The following TMEM131 variants were observed in gnomAD, a reference collection of about 807,000 sequenced individuals.
The protein encoded by TMEM131 is transmembrane protein 131.
In TMEM131, 66 loss-of-function variants were observed where a neutral mutation model predicts 211.6. That is an observed-to-expected ratio of 0.31 (90% CI 0.26 to 0.38). The LOEUF (loss-of-function observed/expected upper bound fraction) is 0.38. Ranked by LOEUF, TMEM131 falls within the 10% of genes least tolerant of loss-of-function variation. The pLI, the probability that TMEM131 is intolerant of heterozygous loss-of-function variation, is 1.00. For missense variants in TMEM131, 2,036 were observed against 2,299.3 expected (o/e 0.89, Z 2.34); for synonymous variants, 844 against 841.3 (o/e 1.00, Z -0.06).
In TMEM131 at chr2:97,814,350, A is replaced by C. The variant is rs768321084; in HGVS notation, c.1331T>G (p.Ile444Ser). The part of the protein sequence containing the change: ...GFDHAATLFH[I>S]RDSPADPVER... ...CACAGGATCAGCAGGGCTGTCTCGG[A>C]TGTGAAATAATGTTGCAGCATGATC... Residue 444 changes from isoleucine to serine, a missense_variant, in exon 14 of 41, where the codon ATC becomes AGC. Around this residue, in one of 3 missense-constraint regions of TMEM131, gnomAD observed 1,623 missense variants for 1,805.9 expected, o/e 0.90. Transcript: ENST00000186436. 44 of 1,613,118 alleles carry C rather than the reference A, an allele frequency of 2.7e-5. No individual in the cohort carries two copies. The Admixed American group carries it at 6.9e-4, about 25-fold the overall frequency.
chr2:97,897,858 G>C (rs1675681344), intron 3 of TMEM131, among the ~76,000 whole-genome samples: 1 of 152,066 alleles, frequency 6.6e-6, no homozygotes, highest in African/African-American at 2.4e-5. Context: ...TTTCTTTGTG[G>C]AAAGGTTTAA....
chr2:97,895,322 T>G (rs1675562508), intron 3 of TMEM131, among the ~76,000 whole-genome samples: 2 of 152,236 alleles, frequency 1.3e-5, no homozygotes, highest in Admixed American at 1.3e-4. Flanking sequence ...GATATTTGCC[T>G]GAAATTTTCT....
At chr2:97,940,986 A>G (rs1236965793) in intron 1 of TMEM131, among the ~76,000 whole-genome samples, 1 of 152,162 alleles carries the variant, frequency 6.6e-6, no homozygotes, top group Non-Finnish European at 1.5e-5. Context: ...TAAAGTTCAT[A>G]TGGAACCAAA....
At chr2:97,940,988 G>A (rs1677698497) in intron 1 of TMEM131, among the ~76,000 whole-genome samples, 1 of 152,004 alleles carries the variant, frequency 6.6e-6, no homozygotes. Context: ...AAGTTCATAT[G>A]GAACCAAAAA....
Position 97,766,119 on chromosome 2 carries a change from C to A in TMEM131, c.4718G>T (p.Gly1573Val), listed in dbSNP as rs1229855906. 1 of 1,613,970 alleles carries A rather than the reference C, an allele frequency of 6.2e-7. No homozygotes were observed. Among genetic ancestry groups the A allele is most frequent in the East Asian group, 2.2e-5 (1 of 44,892 alleles). Residue 1573 changes from glycine to valine, a missense_variant, in exon 35 of 41, where the codon GGC (glycine) becomes GTC (valine). Physicochemically the swap from Gly to Val is moderately radical, Grantham distance 109 (BLOSUM62 -3). This residue lies in a region of TMEM131 where 1,623 missense variants were observed against 1,805.9 expected (regional missense o/e 0.90). Transcript: ENST00000186436. ...EWDSVPVHKP[G>V]SSTDSLYKLS... ...TTCTAAACTACTATACTTACAGCTG[C>A]CAGGTTTGTGAACTGGAACGGAATC...
chr2:97,888,231 T>G, intron 3 of TMEM131, 111 bp from the exon 4 acceptor site: 1 of 781,758 alleles, frequency 1.3e-6, no homozygotes, highest in South Asian at 2.1e-5. Context: ...TAAGAAAAAT[T>G]GGGTCTAACA....
intron 11 of TMEM131, among the ~76,000 whole-genome samples, chr2:97,827,971 A>T (rs1185775671): frequency 6.6e-6 from 1 of 152,238 alleles, no homozygotes; most frequent in Non-Finnish European, 1.5e-5. Context: ...TGTTTCCTAA[A>T]GAAAACCACT....
In TMEM131 at chr2:97,758,865, G is replaced by GGCCCCA. The variant is rs559420960; in HGVS notation, c.5367+22_5367+27dup. 20 of 1,586,086 alleles carry GGCCCCA rather than the reference G, an allele frequency of 1.3e-5. No homozygotes were observed. The African/African-American group carries it at 1.3e-4, about 11-fold the overall frequency. ...ATGGCGAGTGGGTGGGCCAGGTCCA[G>GGCCCCA]GCCCCAGCCCCAGCCCCAAGTACTC... On this transcript the variant is annotated intron_variant, in intron 40 of 40. Transcript: ENST00000186436.
intron 2 of TMEM131, among the ~76,000 whole-genome samples, chr2:97,920,231 C>T (rs949972040): frequency 6.6e-6 from 1 of 152,160 alleles, no homozygotes; most frequent in African/African-American, 2.4e-5. Flanking sequence ...CAATCTCTTG[C>T]ACTCCTAATT....
At chr2:97,828,519 T>C (rs1459896503) in intron 11 of TMEM131, among the ~76,000 whole-genome samples, 1 of 152,188 alleles carries the variant, frequency 6.6e-6, no homozygotes, top group Non-Finnish European at 1.5e-5. Flanking sequence ...CAGGTTTATC[T>C]ACATCATTAT....
At chr2:97,885,292 GTCC>G (rs1559423934) in intron 4 of TMEM131, among the ~76,000 whole-genome samples, 1 of 13,708 alleles carries the variant, frequency 7.3e-5, no homozygotes, top group Non-Finnish European at 2.8e-4. Context: ...CCGCTTCCCG[GTCC>G]ATTCTCCTGC....
intron 1 of TMEM131, among the ~76,000 whole-genome samples, chr2:97,928,875 A>G (rs1677100234): frequency 6.6e-6 from 1 of 151,850 alleles, no homozygotes; most frequent in Admixed American, 6.5e-5. Flanking sequence ...AGTCAGTGAT[A>G]TCAGTAAGAA....
chr2:97,832,004 CAAAAAAAAAAAAA>C (rs770432398), intron 11 of TMEM131, among the ~76,000 whole-genome samples: 7 of 60,272 alleles, frequency 1.2e-4, no homozygotes, highest in Middle Eastern at 0.015. Context: ...AAGTCACTTC[CAAAAAAAAAAAAA>C]AAAAAAAAAG....
intron 11 of TMEM131, among the ~76,000 whole-genome samples, chr2:97,829,014 T>C (rs942213881): frequency 3.3e-5 from 5 of 152,250 alleles, no homozygotes; most frequent in African/African-American, 4.8e-5. Flanking sequence ...CAAGGACCCC[T>C]GGATCGACCC....
intron 33 of TMEM131, among the ~76,000 whole-genome samples, chr2:97,769,227 T>C (rs1679346956): frequency 6.6e-6 from 1 of 152,136 alleles, no homozygotes; most frequent in Non-Finnish European, 1.5e-5. Context: ...GCTCAAGCAA[T>C]CCTCCTGCCT....
chr2:97,987,940 G>A (rs904529114), intron 1 of TMEM131, among the ~76,000 whole-genome samples: 1 of 152,106 alleles, frequency 6.6e-6, no homozygotes, highest in Non-Finnish European at 1.5e-5. Flanking sequence ...AAATCCCAAG[G>A]CAAGTAGAAA....
chr2:97,833,331 T>C, intron 11 of TMEM131, 34 bp downstream of exon 11: 1 of 986,904 alleles, frequency 1.0e-6, no homozygotes, highest in Non-Finnish European at 1.5e-6. Flanking sequence ...ACAAAGAATA[T>C]ATAAATTAGG....
intron 32 of TMEM131, among the ~76,000 whole-genome samples, chr2:97,773,654 G>GTTT (rs34393939): frequency 6.8e-6 from 1 of 146,490 alleles, no homozygotes. Context: ...ATTATGTGTG[G>GTTT]TTTTTTTTTT....
rs181137316 is a variant in TMEM131, at chr2:97,829,092, G to T, written c.1074+4273C>A. 5.9e-5 allele frequency among the ~76,000 whole-genome samples: 9 copies of T among 152,264 alleles called. No homozygotes were observed. The East Asian group carries it at 1.5e-3, about 26-fold the overall frequency. On this transcript the variant is annotated intron_variant, in intron 11 of 40. Transcript: ENST00000186436. ...ACTACCACTGCAGGGTCCCTTCTTTGCCCTTATCCAGTAGGAAGTAGCTAG... is the reference window on the plus strand; with the variant it reads ...ACTACCACTGCAGGGTCCCTTCTTTTCCCTTATCCAGTAGGAAGTAGCTAG...
Sources: allele counts gnomAD v4.1 joint callset (sites outside exome capture counted in the v4.1 genomes callset), GRCh38; gene constraint gnomAD v4.1.1; regional missense constraint gnomAD v4.1.1; transcripts MANE v1.5; gene names NCBI Gene and HGNC (gene_info 2026-07-23, HGNC 2026-07-21).